Variants in RHEX observed in about 807,000 individuals in gnomAD.
RHEX encodes regulator of hemoglobinization and erythroid cell expansion.
RHEX carries 18 observed loss-of-function variants against 20.1 expected under a neutral mutation model. The observed-to-expected ratio is 0.90, with a 90% confidence interval of 0.62 to 1.33. RHEX has a LOEUF of 1.33. Among genes scored for constraint, RHEX ranks in the 40% most tolerant of loss-of-function variants. RHEX has a pLI of 0.00. For synonymous variants in RHEX, 87 were observed against 77.1 expected (o/e 1.13, Z -0.67); for missense variants, 192 against 214.3 (o/e 0.90, Z 0.65).
In RHEX at chr1:206,088,851, C is replaced by T. The variant is rs187341543; in HGVS notation, c.-96-8882C>T. 1.8e-3 allele frequency among the ~76,000 whole-genome samples: 267 copies of T among 151,972 alleles called. 1 individual carries two copies. Among genetic ancestry groups the T allele is most frequent in the African/African-American group, 6.2e-3 (258 of 41,428 alleles). On this transcript the variant is annotated intron_variant, in intron 1 of 5. Transcript: ENST00000331555. ...CACTTTTTTTTTTGAGACAGGGTCT[C>T]ACGTTGTCGCCCAGGCTGGAGTGCA...
At chr1:206,061,173 C>T (rs975813931) in intron 1 of RHEX, 19 of 152,126 alleles carry the variant, frequency 1.2e-4, no homozygotes, top group Middle Eastern at 3.2e-3. Context: ...AATTATAAAG[C>T]GTACTCATTT....
chr1:206,092,368 C>T (rs549309129), intron 1 of RHEX, among the ~76,000 whole-genome samples: 2 of 152,188 alleles, frequency 1.3e-5, no homozygotes, highest in South Asian at 2.1e-4. Flanking sequence ...TATCTAGTCC[C>T]GAAATTAGTT....
chr1:206,076,614 A>C, intron 1 of RHEX, among the ~76,000 whole-genome samples: 1 of 152,312 alleles, frequency 6.6e-6, no homozygotes, highest in Middle Eastern at 3.4e-3. Context: ...TCTCATCAAA[A>C]ATGTTTATGC....
intron 1 of RHEX, among the ~76,000 whole-genome samples, chr1:206,072,363 C>T (rs1387136011): frequency 6.6e-6 from 1 of 152,164 alleles, no homozygotes; most frequent in Non-Finnish European, 1.5e-5. Context: ...ATCACAACGT[C>T]AAGAGTTCGA....
intron 1 of RHEX, among the ~76,000 whole-genome samples, chr1:206,096,699 C>T (rs74985977): frequency 0.074 from 11,237 of 151,220 alleles, 1,040 homozygotes; most frequent in African/African-American, 0.21. Flanking sequence ...TGCAATCATG[C>T]TTGTGTTTTC....
At chr1:206,078,560 C>T (rs1662677901) in intron 1 of RHEX, among the ~76,000 whole-genome samples, 1 of 151,476 alleles carries the variant, frequency 6.6e-6, no homozygotes, top group Non-Finnish European at 1.5e-5. Flanking sequence ...GACCCTGTTT[C>T]CAAAAAAATA....
chr1:206,085,941 AC>A (rs1553286373), intron 1 of RHEX, among the ~76,000 whole-genome samples: 1 of 152,104 alleles, frequency 6.6e-6, no homozygotes, highest in African/African-American at 2.4e-5. Context: ...TGGGGTGAGG[AC>A]CCTGACATGG....
At chr1:206,073,702 G>A (rs1239178677) in intron 1 of RHEX, among the ~76,000 whole-genome samples, 1 of 152,102 alleles carries the variant, frequency 6.6e-6, no homozygotes, top group Non-Finnish European at 1.5e-5. Context: ...GCCCAAGCTG[G>A]AAATCTGTGA....
intron 1 of RHEX, among the ~76,000 whole-genome samples, chr1:206,075,506 A>AT (rs1273693540): frequency 6.6e-6 from 1 of 152,188 alleles, no homozygotes; most frequent in East Asian, 1.9e-4. Context: ...AAATTTTTAA[A>AT]CTATTGTGGT....
chr1:206,070,124 C>T (rs782253060), intron 1 of RHEX, among the ~76,000 whole-genome samples: 1 of 151,698 alleles, frequency 6.6e-6, no homozygotes, highest in Non-Finnish European at 1.5e-5. Flanking sequence ...GAGTTCTGGA[C>T]ATTTCTAGCT....
chr1:206,102,067 AGGCC>A lies in RHEX; in HGVS notation c.*116_*119del. The A allele has an allele frequency of 1.2e-6, 1 of 836,868 alleles. No individual in the cohort carries two copies. Among genetic ancestry groups the A allele is most frequent in the Admixed American group, 2.2e-5 (1 of 45,824 alleles). The allele number at this position is 836,868 out of a possible 1,614,324, so 51.8% of individuals were successfully genotyped here. A position where few individuals can be genotyped will look rare whatever the true frequency, so the allele number is the denominator to read the frequency against. On this transcript the variant is annotated 3_prime_UTR_variant, in exon 6 of 6. Coordinates refer to ENST00000331555, the MANE Select transcript of RHEX (RefSeq NM_001007544.4). The stretch of plus-strand genomic sequence containing the variant: ...ATGGGGCTCACAAGTCTATGGAGAC[AGGCC>A]AAAAAGAATGTGGAGAAGAAAACTG...
At chr1:206,101,002 A>ACC (rs571225895) in intron 4 of RHEX, 134 bp from the exon 5 acceptor site, 1 of 606,450 alleles carries the variant, frequency 1.6e-6, no homozygotes, top group African/African-American at 1.9e-5. Flanking sequence ...TCTCTTCCCT[A>ACC]CCCCCCCTTT....
intron 1 of RHEX, among the ~76,000 whole-genome samples, chr1:206,093,898 C>T (rs983891898): frequency 6.6e-6 from 1 of 152,082 alleles, no homozygotes; most frequent in Admixed American, 6.6e-5. Context: ...AGGCTCTTCT[C>T]AAACTCCTGG....
At chr1:206,074,172 G>T (rs932442783) in intron 1 of RHEX, among the ~76,000 whole-genome samples, 8 of 152,288 alleles carry the variant, frequency 5.3e-5, no homozygotes, top group African/African-American at 1.9e-4. Context: ...ACCAAAGACT[G>T]TGATAGGACC....
chr1:206,069,082 T>G (rs533709878), intron 1 of RHEX, among the ~76,000 whole-genome samples: 2 of 152,338 alleles, frequency 1.3e-5, no homozygotes, highest in African/African-American at 4.8e-5. Context: ...CTCCAAATGC[T>G]TAATGAGGCA....
chr1:206,099,560 C>T, intron 3 of RHEX, 95 bp from the exon 4 acceptor site: 5 of 1,157,294 alleles, frequency 4.3e-6, no homozygotes, highest in Non-Finnish European at 6.1e-6. Flanking sequence ...CTCAAGTGAT[C>T]CATTTACCTC....
chr1:206,097,569 TAGG>T (rs1438021955), intron 1 of RHEX, 161 bp from the exon 2 acceptor site: 2 of 558,760 alleles, frequency 3.6e-6, no homozygotes, highest in African/African-American at 1.9e-5. Flanking sequence ...CAAGGTTCTT[TAGG>T]AGAAGTGTCT....
rs28574620 is a variant in RHEX at position 206,076,559 on chromosome 1, T to A, written c.-96-21174T>A. Among the ~76,000 whole-genome samples, 281 of 152,312 alleles carry A rather than the reference T, an allele frequency of 1.8e-3. 6 individuals carry two copies. The East Asian group carries it at 0.049, about 26-fold the overall frequency. On this transcript the variant is annotated intron_variant, in intron 1 of 5. Transcript: ENST00000331555. ...TCGGACTGGATGACAACTGCAAGAT[T>A]TTCTTGTTCCTTGACAACTGTTCTG... is the stretch of plus-strand genomic sequence containing the variant.
chr1:206,091,040 GCAGCTGA>G (rs1278445436), intron 1 of RHEX, among the ~76,000 whole-genome samples: 4 of 152,290 alleles, frequency 2.6e-5, no homozygotes, highest in Admixed American at 1.3e-4. Context: ...TGTTAATGTA[GCAGCTGA>G]CAGCTCAGGC....
Sources: gnomAD v4.1 joint callset for allele counts (sites outside exome capture counted in the v4.1 genomes callset) on GRCh38, gnomAD v4.1.1 for gene constraint, MANE v1.5 for transcripts, NCBI Gene and HGNC (gene_info 2026-07-23, HGNC 2026-07-21) for gene names.